ESRRG: variants seen among roughly 807,000 people sequenced by gnomAD.
The protein encoded by ESRRG is estrogen related receptor gamma.
In ESRRG, 13 loss-of-function variants were observed where a neutral mutation model predicts 44.0. That is an observed-to-expected ratio of 0.30 (90% CI 0.19 to 0.47). The LOEUF (loss-of-function observed/expected upper bound fraction) is 0.47, where lower values mean the gene tolerates loss of function less well. ESRRG is among the 20% of genes least tolerant of loss of function. The pLI is 1.00. For missense variants in ESRRG, 395 were observed against 580.6 expected (o/e 0.68, Z 3.29); for synonymous variants, 215 against 214.6 (o/e 1.00, Z -0.02).
chr1:216,710,210 T>C (rs1267654302), intron 1 of ESRRG, among the ~76,000 whole-genome samples: 1 of 152,184 alleles, frequency 6.6e-6, no homozygotes. Flanking sequence ...TCAGTGTTAA[T>C]CCTGTTTTAT....
intron 2 of ESRRG, chr1:216,863,589 T>C (rs1292425411): frequency 1.3e-5 from 2 of 152,208 alleles, no homozygotes; most frequent in East Asian, 3.9e-4. Flanking sequence ...TCAAACCTTT[T>C]ATTTCCACTT....
chr1:216,885,773 T>A (rs1184247221), intron 2 of ESRRG, among the ~76,000 whole-genome samples: 1 of 152,040 alleles, frequency 6.6e-6, no homozygotes, highest in African/African-American at 2.4e-5. Flanking sequence ...TTTTTGCTGC[T>A]CCCCAAATAT....
intron 2 of ESRRG, chr1:216,864,493 T>C (rs2096113684): frequency 6.6e-6 from 1 of 152,142 alleles, no homozygotes; most frequent in South Asian, 2.1e-4. Flanking sequence ...GTTGTACTTT[T>C]GTATGACACT....
At chr1:216,600,955 T>C (rs1163190960) in intron 3 of ESRRG, among the ~76,000 whole-genome samples, 1 of 152,206 alleles carries the variant, frequency 6.6e-6, no homozygotes, top group Non-Finnish European at 1.5e-5. Flanking sequence ...AGACTGTTGA[T>C]GATAAAATAG....
intron 1 of ESRRG, among the ~76,000 whole-genome samples, chr1:217,053,153 A>AAAAAAAAAAAAAAAAAAAAAAG (rs55925428): frequency 7.1e-6 from 1 of 141,628 alleles, no homozygotes; most frequent in Admixed American, 7.1e-5. Context: ...AAAAAAAAAA[A>AAAAAAAAAAAAAAAAAAAAAAG]CAGAAAGAAA....
intron 5 of ESRRG, among the ~76,000 whole-genome samples, chr1:216,526,855 A>G (rs2047819757): frequency 6.6e-6 from 1 of 152,138 alleles, no homozygotes; most frequent in South Asian, 2.1e-4. Context: ...TCTGCCACCA[A>G]AGAACTGTGA....
At chr1:216,618,938 ACGTG>A (rs2061794095) in intron 3 of ESRRG, among the ~76,000 whole-genome samples, 1 of 152,234 alleles carries the variant, frequency 6.6e-6, no homozygotes, top group African/African-American at 2.4e-5. Flanking sequence ...TTTCCTTGGC[ACGTG>A]TGATTTACTG....
chr1:217,006,060 A>G (rs1046668568), intron 1 of ESRRG, among the ~76,000 whole-genome samples: 3 of 152,046 alleles, frequency 2.0e-5, no homozygotes, highest in African/African-American at 7.2e-5. Context: ...AATGGCTTTG[A>G]ACTCATAGAA....
intron 1 of ESRRG, among the ~76,000 whole-genome samples, chr1:216,964,828 A>G (rs913483124): frequency 6.6e-6 from 1 of 152,192 alleles, no homozygotes; most frequent in African/African-American, 2.4e-5. Context: ...GTTATTTTAC[A>G]TATTTGATAT....
rs12073803 is a variant in ESRRG, at chr1:217,084,779, A to G, written c.-106+4728T>C. 3.9e-3 allele frequency among the ~76,000 whole-genome samples: 592 copies of G among 152,326 alleles called. 4 individuals are homozygous for G. Among genetic ancestry groups the G allele is most frequent in the African/African-American group, 0.014 (567 of 41,572 alleles). On this transcript the variant is annotated intron_variant, in intron 1 of 7. Transcript: ENST00000359162. ...AAACAGCCATATAAATAAATAAAATATCTTTGACTCCCCAGTATCTTGCAT... is the reference window on the plus strand; with the variant it reads ...AAACAGCCATATAAATAAATAAAATGTCTTTGACTCCCCAGTATCTTGCAT...
intron 1 of ESRRG, among the ~76,000 whole-genome samples, chr1:217,070,266 G>T (rs569521413): frequency 0.012 from 1,837 of 152,212 alleles, 18 homozygotes; most frequent in Non-Finnish European, 0.017. Flanking sequence ...AGAAGTAAAA[G>T]CTATTTTAAA....
In ESRRG at chr1:216,703,588, C is replaced by CT. The variant is rs570247536; in HGVS notation, c.56+19655dup. 1.9e-3 allele frequency among the ~76,000 whole-genome samples: 263 copies of CT among 136,064 alleles called. 1 individual carries two copies. The highest frequency in any genetic ancestry group is 6.7e-3 in the African/African-American group (248 of 36,982). The allele number at this position is 136,064 out of a possible 152,430, so 89.3% of individuals were successfully genotyped here. On this transcript the variant is annotated intron_variant, in intron 1 of 6. Transcript: ENST00000408911. ...CTGTATAAATGTAATTTTTTTTTTG[C>CT]TTTTTTTTTTAAGTGCAAGGAAAAA...
intron 2 of ESRRG, among the ~76,000 whole-genome samples, chr1:216,933,550 A>C (rs1038060486): frequency 1.3e-5 from 2 of 152,182 alleles, no homozygotes; most frequent in African/African-American, 4.8e-5. Flanking sequence ...GGAGCTGATG[A>C]GGAGATGCAG....
chr1:216,855,845 A>T (rs1559882525), intron 2 of ESRRG, among the ~76,000 whole-genome samples: 1 of 151,750 alleles, frequency 6.6e-6, no homozygotes, highest in Non-Finnish European at 1.5e-5. Context: ...GACTGTGCAG[A>T]GTGTGTTTTC....
At chr1:217,136,996 C>T (rs1423705929) in intron 1 of ESRRG, among the ~76,000 whole-genome samples, 4 of 152,192 alleles carry the variant, frequency 2.6e-5, no homozygotes, top group Non-Finnish European at 4.4e-5. Flanking sequence ...TTTGGACGTT[C>T]TCTGCCTCAG....
intron 2 of ESRRG, among the ~76,000 whole-genome samples, chr1:216,775,551 CTTTTTTTTTTTTT>C (rs71163765): frequency 0.012 from 900 of 74,450 alleles, 3 homozygotes; most frequent in Non-Finnish European, 0.021. Context: ...AATGTCACAT[CTTTTTTTTTTTTT>C]TTTTTTTTTT....
intron 1 of ESRRG, among the ~76,000 whole-genome samples, chr1:217,124,692 A>G (rs1233605196): frequency 6.6e-6 from 1 of 152,190 alleles, no homozygotes; most frequent in East Asian, 1.9e-4. Flanking sequence ...GAGGAAAAGA[A>G]AAAGAAAGAA....
At chr1:216,548,618 G>A (rs1572755191) in intron 5 of ESRRG, among the ~76,000 whole-genome samples, 2 of 151,984 alleles carry the variant, frequency 1.3e-5, no homozygotes, top group South Asian at 4.2e-4. Context: ...TGCAAATCCA[G>A]CTGCGATGTC....
At chr1:216,808,369 C>A (rs190104538) in intron 2 of ESRRG, among the ~76,000 whole-genome samples, 3 of 152,182 alleles carry the variant, frequency 2.0e-5, no homozygotes, top group African/African-American at 7.2e-5. Flanking sequence ...CCTGTCTGAA[C>A]GAGAGTCTTG....
Sources: allele counts gnomAD v4.1 joint callset (sites outside exome capture counted in the v4.1 genomes callset), GRCh38; gene constraint gnomAD v4.1.1; transcripts MANE v1.5; gene names NCBI Gene and HGNC (gene_info 2026-07-23, HGNC 2026-07-21).